Variants in NRXN3 observed in about 807,000 individuals in gnomAD.
NRXN3 encodes neurexin III.
NRXN3 carries 32 observed loss-of-function variants against 137.6 expected under a neutral mutation model. The observed-to-expected ratio is 0.23, with a 90% confidence interval of 0.18 to 0.31. The LOEUF is 0.31. Among genes scored for constraint, NRXN3 ranks in the 10% least tolerant of loss-of-function variants. NRXN3 has a pLI of 1.00. For missense variants in NRXN3, 1,574 were observed against 2,062.5 expected (o/e 0.76, Z 4.59); for synonymous variants, 798 against 784.5 (o/e 1.02, Z -0.29).
chr14:78,173,716 T>TTTTTTTTTTTTTTTTTTTTTTC (rs2058990793), intron 1 of NRXN3, among the ~76,000 whole-genome samples: 1 of 133,480 alleles, frequency 7.5e-6, no homozygotes, highest in Non-Finnish European at 1.6e-5. Context: ...TTGCTTTTTT[T>TTTTTTTTTTTTTTTTTTTTTTC]TTTTTTTTGC....
At chr14:78,938,187 G>A (rs952237109) in intron 10 of NRXN3, among the ~76,000 whole-genome samples, 2 of 152,224 alleles carry the variant, frequency 1.3e-5, no homozygotes, top group Non-Finnish European at 2.9e-5. Context: ...GTGATGATGA[G>A]TCTTTCCATT....
rs1424888206 is a variant in NRXN3 at position 78,243,126 on chromosome 14, C to T, written c.33C>T (p.Thr11=). Residue 11 remains threonine (T), a synonymous_variant, in exon 2 of 21, where the codon ACC becomes ACT. Coordinates refer to ENST00000335750, the MANE Select transcript of NRXN3 (RefSeq NM_001330195.2). This position sits in a 1 kb window ranked among gnomAD's most constrained non-coding sequence, Gnocchi z 4.2. ...CCACACTCCACTCGGTTTTCTTCAC[C>T]CTGAAGGTCAGCATCCTGCTGGGGT... MSSTLHSVFF[T]LKVSILLGSL... The T allele has an allele frequency of 1.3e-6, 2 of 1,541,290 alleles. No homozygotes were observed. The highest frequency in any genetic ancestry group is 2.4e-5 in the East Asian group (1 of 41,430).
At chr14:78,703,371 C>T (rs538433130) in intron 6 of NRXN3, among the ~76,000 whole-genome samples, 2 of 152,250 alleles carry the variant, frequency 1.3e-5, no homozygotes, top group South Asian at 2.1e-4. Flanking sequence ...TGTGTGATTC[C>T]GTGGAGACCC....
At chr14:79,557,959 TC>T (rs1271891070) in intron 16 of NRXN3, among the ~76,000 whole-genome samples, 2 of 152,160 alleles carry the variant, frequency 1.3e-5, no homozygotes, top group Non-Finnish European at 2.9e-5. Context: ...ATATTCTACA[TC>T]CTTTGTTGTC....
chr14:79,788,185 A>T (rs956838542), intron 19 of NRXN3, among the ~76,000 whole-genome samples: 2 of 152,096 alleles, frequency 1.3e-5, no homozygotes, highest in Non-Finnish European at 2.9e-5. Flanking sequence ...ATCTCATGAA[A>T]CTTATTCACT....
chr14:79,042,874 C>G (rs1249416267), intron 15 of NRXN3, among the ~76,000 whole-genome samples: 1 of 151,868 alleles, frequency 6.6e-6, no homozygotes, highest in Non-Finnish European at 1.5e-5. Context: ...AGAAACCAAT[C>G]AAAATGCAGC....
rs115303696 is a variant in NRXN3, at chr14:78,335,617, C to T, written c.757+37757C>T. On this transcript the variant is annotated intron_variant, in intron 4 of 20. Coordinates refer to ENST00000335750, the MANE Select transcript of NRXN3 (RefSeq NM_001330195.2). ...AAGTAGACACATTAATTCAGCAGTT[C>T]CCAATAGCCAGCAGCTGAAAGGAAG... Among the ~76,000 whole-genome samples, 148 of 152,274 alleles carry T rather than the reference C, an allele frequency of 9.7e-4. 1 individual carries two copies. The highest frequency in any genetic ancestry group is 3.4e-3 in the African/African-American group (142 of 41,554).
chr14:78,199,103 T>G (rs538090367), intron 1 of NRXN3, among the ~76,000 whole-genome samples: 60 of 152,310 alleles, frequency 3.9e-4, no homozygotes, highest in African/African-American at 1.4e-3. Flanking sequence ...TAAAATGGAC[T>G]TTGATGAGAG....
At chr14:78,969,310 C>T (rs1421484236) in intron 14 of NRXN3, among the ~76,000 whole-genome samples, 1 of 152,178 alleles carries the variant, frequency 6.6e-6, no homozygotes, top group Non-Finnish European at 1.5e-5. Flanking sequence ...CTAGTTTTAA[C>T]CAGCAGATGG....
chr14:79,393,754 G>T (rs1490968676), intron 15 of NRXN3, among the ~76,000 whole-genome samples: 2 of 152,194 alleles, frequency 1.3e-5, no homozygotes, highest in African/African-American at 4.8e-5. Flanking sequence ...GGCAGAGCTT[G>T]CAGTGAGCCC....
rs186847153 is a variant in NRXN3 at position 79,641,039 on chromosome 14, G to A, written c.3445-22739G>A. ...ACGTTTTTTTTTGAGACAGAGTCTCGCTCTGTCTCCCAGGCTGGAGTGCAG... is the reference window on the plus strand; with the variant it reads ...ACGTTTTTTTTTGAGACAGAGTCTCACTCTGTCTCCCAGGCTGGAGTGCAG... On this transcript the variant is annotated intron_variant, in intron 16 of 20. Coordinates refer to ENST00000335750, the MANE Select transcript of NRXN3 (RefSeq NM_001330195.2). Among the ~76,000 whole-genome samples the A allele has an allele frequency of 1.1e-4, 14 of 133,256 alleles. 4 individuals are homozygous for A. Among genetic ancestry groups the A allele is most frequent in the Admixed American group, 1.6e-4 (2 of 12,420 alleles). The allele number at this position is 133,256 out of a possible 152,430, so 87.4% of individuals were successfully genotyped here. A position where few individuals can be genotyped will look rare whatever the true frequency, so the allele number is the denominator to read the frequency against.
At chr14:78,225,974 GGTGTGTGTGTGTGTGTGTGT>G (rs71131635) in intron 1 of NRXN3, among the ~76,000 whole-genome samples, 1 of 123,630 alleles carries the variant, frequency 8.1e-6, no homozygotes. Flanking sequence ...TGTGTGTGTT[GGTGTGTGTGTGTGTGTGTGT>G]GTGTGTGTGT....
At chr14:78,818,859 TC>T (rs1446903470) in intron 10 of NRXN3, among the ~76,000 whole-genome samples, 2 of 152,160 alleles carry the variant, frequency 1.3e-5, no homozygotes, top group Non-Finnish European at 2.9e-5. Flanking sequence ...CACCTCCATT[TC>T]TTGTTTTTCT....
intron 4 of NRXN3, among the ~76,000 whole-genome samples, chr14:78,399,197 T>C (rs748081724): frequency 2.6e-5 from 4 of 152,206 alleles, no homozygotes; most frequent in Non-Finnish European, 5.9e-5. Flanking sequence ...TGAATTAGTA[T>C]ACATTCTCCT....
chr14:78,213,984 C>G (rs535146340), intron 1 of NRXN3, among the ~76,000 whole-genome samples: 7 of 152,292 alleles, frequency 4.6e-5, no homozygotes, highest in African/African-American at 9.6e-5. Flanking sequence ...TAGCAGATCC[C>G]TCTTCATTAC....
chr14:78,764,352 A>T (rs1355824217), intron 8 of NRXN3, among the ~76,000 whole-genome samples: 1 of 152,216 alleles, frequency 6.6e-6, no homozygotes, highest in African/African-American at 2.4e-5. Context: ...AGGAGGAAGT[A>T]CATTCCTGGC....
intron 15 of NRXN3, among the ~76,000 whole-genome samples, chr14:79,015,731 G>T (rs1313688050): frequency 6.6e-6 from 1 of 152,148 alleles, no homozygotes; most frequent in African/African-American, 2.4e-5. Flanking sequence ...CTACCCAAAG[G>T]GGTGTGGCAT....
chr14:79,187,735 C>T (rs890195076), intron 15 of NRXN3, among the ~76,000 whole-genome samples: 3 of 152,296 alleles, frequency 2.0e-5, no homozygotes, highest in Middle Eastern at 6.8e-3. Context: ...TAGCATCACA[C>T]TAGATTTTAC....
chr14:78,542,468 G>C (rs1242638690), intron 4 of NRXN3, among the ~76,000 whole-genome samples: 1 of 152,230 alleles, frequency 6.6e-6, no homozygotes, highest in Non-Finnish European at 1.5e-5. Context: ...AGTGAGCAAG[G>C]CTCTGTGGGT....
Sources: gnomAD v4.1 joint callset for allele counts (sites outside exome capture counted in the v4.1 genomes callset) on GRCh38, gnomAD v4.1.1 for gene constraint, Gnocchi (gnomAD v3.1) non-coding constraint, MANE v1.5 for transcripts, NCBI Gene and HGNC (gene_info 2026-07-23, HGNC 2026-07-21) for gene names.